Variants in GALNT13 observed in about 807,000 individuals in gnomAD.
The protein encoded by GALNT13 is polypeptide N-acetylgalactosaminyltransferase 13.
A neutral mutation model predicts 64.2 loss-of-function variants in GALNT13; 28 were observed. The ratio of observed to expected loss-of-function variants is 0.44; its 90% CI spans 0.32 to 0.60. GALNT13 has a LOEUF of 0.60. Ranked by LOEUF, GALNT13 falls within the 20% of genes least tolerant of loss-of-function variation. The probability of loss-of-function intolerance (pLI) is 0.05; values close to 1 mark genes in which losing one functional copy is unlikely to be tolerated. For missense variants in GALNT13, 577 were observed against 669.8 expected (o/e 0.86, Z 1.53); for synonymous variants, 214 against 224.6 (o/e 0.95, Z 0.42).
chr2:153,658,352 C>T, the GALNT13 span, among the ~76,000 whole-genome samples: 5 of 152,094 alleles, frequency 3.3e-5, no homozygotes, highest in African/African-American at 1.2e-4. Context: ...TTCCTATTCA[C>T]TTCCATGGCA....
chr2:153,575,999 G>C, the GALNT13 span, among the ~76,000 whole-genome samples: 1 of 152,140 alleles, frequency 6.6e-6, no homozygotes, highest in Non-Finnish European at 1.5e-5. Flanking sequence ...TTCCCTTCAA[G>C]GCAGTGTAGG....
the GALNT13 span, among the ~76,000 whole-genome samples, chr2:153,497,522 A>ATTTTTTTTTTTTTTTTTTT: frequency 1.1e-4 from 4 of 36,898 alleles, 2 homozygotes; most frequent in African/African-American, 4.4e-4. Context: ...TTTCTCCCGC[A>ATTTTTTTTTTTTTTTTTTT]TTTTTTTTTT....
chr2:153,692,236 C>T, the GALNT13 span, among the ~76,000 whole-genome samples: 50 of 152,130 alleles, frequency 3.3e-4, no homozygotes, highest in Middle Eastern at 3.4e-3. Context: ...TAGAAGGGAT[C>T]GTAAAGGGGG....
At chr2:154,036,687 A>G (rs1351932473) in intron 3 of GALNT13, among the ~76,000 whole-genome samples, 3 of 152,090 alleles carry the variant, frequency 2.0e-5, no homozygotes, top group Non-Finnish European at 2.9e-5. Flanking sequence ...TTACACCATC[A>G]TGCATTGTTA....
chr2:154,396,443 T>A (rs963839703), intron 10 of GALNT13, among the ~76,000 whole-genome samples: 1 of 152,154 alleles, frequency 6.6e-6, no homozygotes. Context: ...GTTATTAATA[T>A]TTACTGTATT....
At chr2:153,113,961 G>A in the GALNT13 span, among the ~76,000 whole-genome samples, 15 of 152,036 alleles carry the variant, frequency 9.9e-5, no homozygotes, top group South Asian at 3.1e-3. Flanking sequence ...ACATCGTTTG[G>A]GCCCATGATA....
chr2:153,303,994 A>C, the GALNT13 span, among the ~76,000 whole-genome samples: 2 of 151,836 alleles, frequency 1.3e-5, no homozygotes, highest in African/African-American at 4.8e-5. Flanking sequence ...AGAACCTGCC[A>C]GGTCCAACAT....
At chr2:154,137,411 ATTCT>A (rs1194329531) in intron 3 of GALNT13, among the ~76,000 whole-genome samples, 1 of 152,102 alleles carries the variant, frequency 6.6e-6, no homozygotes. Context: ...TTAACCTGAT[ATTCT>A]TTAAGTTGTT....
intron 9 of GALNT13, among the ~76,000 whole-genome samples, chr2:154,374,543 C>A (rs1697872219): frequency 6.6e-6 from 1 of 152,146 alleles, no homozygotes. Context: ...ATGGGAGAAC[C>A]ATTACCTATC....
chr2:153,808,619 C>T, the GALNT13 span, among the ~76,000 whole-genome samples: 1 of 152,234 alleles, frequency 6.6e-6, no homozygotes, highest in Admixed American at 6.5e-5. Context: ...CTCAGAAAAT[C>T]TCATATATAA....
chr2:153,517,189 T>C, the GALNT13 span, among the ~76,000 whole-genome samples: 1 of 152,142 alleles, frequency 6.6e-6, no homozygotes, highest in Non-Finnish European at 1.5e-5. Context: ...ATAGTACATA[T>C]ACTCTCCCTG....
At chr2:153,607,717 G>GT in the GALNT13 span, among the ~76,000 whole-genome samples, 426 of 151,756 alleles carry the variant, frequency 2.8e-3, 3 homozygotes, top group African/African-American at 9.7e-3. Flanking sequence ...CTGTTTTTCT[G>GT]TTTTTTTTAA....
At chr2:153,087,783 T>A in the GALNT13 span, among the ~76,000 whole-genome samples, 1 of 152,162 alleles carries the variant, frequency 6.6e-6, no homozygotes, top group Non-Finnish European at 1.5e-5. Flanking sequence ...CCTTGAATGA[T>A]CTTTTGTATT....
the GALNT13 span, among the ~76,000 whole-genome samples, chr2:153,555,651 T>C: frequency 6.6e-6 from 1 of 152,210 alleles, no homozygotes; most frequent in African/African-American, 2.4e-5. Context: ...ATGGGGAGAC[T>C]GAAACATAAA....
chr2:154,185,272 A>G (rs1686188020), intron 4 of GALNT13, among the ~76,000 whole-genome samples: 1 of 151,944 alleles, frequency 6.6e-6, no homozygotes, highest in Admixed American at 6.6e-5. Context: ...CTGCTTTCAA[A>G]ATTCTCTCTT....
chr2:154,202,152 G>T (rs1228232947), intron 4 of GALNT13, among the ~76,000 whole-genome samples: 1 of 152,096 alleles, frequency 6.6e-6, no homozygotes, highest in Non-Finnish European at 1.5e-5. Flanking sequence ...TATTATAGAA[G>T]AATAATGCAG....
At chr2:153,292,191 T>C in the GALNT13 span, among the ~76,000 whole-genome samples, 1 of 152,104 alleles carries the variant, frequency 6.6e-6, no homozygotes, top group Non-Finnish European at 1.5e-5. Context: ...ATGTGAACCA[T>C]TAGCTGTTTC....
chr2:153,238,342 C>T, the GALNT13 span, among the ~76,000 whole-genome samples: 3 of 151,904 alleles, frequency 2.0e-5, no homozygotes, highest in East Asian at 5.8e-4. Flanking sequence ...TTGATGTTAT[C>T]CCATTTGTCC....
chr2:153,912,514 G>C (rs1392336175), intron 2 of GALNT13, among the ~76,000 whole-genome samples: 2 of 151,922 alleles, frequency 1.3e-5, no homozygotes, highest in African/African-American at 4.8e-5. Flanking sequence ...TTCTTGTGCT[G>C]GTTCTTTCTC....
Sources: allele counts gnomAD v4.1 joint callset (sites outside exome capture counted in the v4.1 genomes callset), GRCh38; gene constraint gnomAD v4.1.1; transcripts MANE v1.5; gene names NCBI Gene and HGNC (gene_info 2026-07-23, HGNC 2026-07-21).